The following NUDT3 variants were observed in gnomAD, a reference collection of about 807,000 sequenced individuals.
The protein encoded by NUDT3 is diphosphoinositol polyphosphate phosphohydrolase 1.
A neutral mutation model predicts 23.6 loss-of-function variants in NUDT3; 9 were observed. That is an observed-to-expected ratio of 0.38 (90% CI 0.23 to 0.66). The LOEUF (loss-of-function observed/expected upper bound fraction) is 0.66, where lower values mean the gene tolerates loss of function less well. Among genes scored for constraint, NUDT3 ranks in the 30% least tolerant of loss-of-function variants. The probability of loss-of-function intolerance (pLI) is 0.52; values close to 1 mark genes in which losing one functional copy is unlikely to be tolerated. For missense variants in NUDT3, 172 were observed against 218.5 expected, an observed-to-expected ratio of 0.79 and a Z score of 1.34; for synonymous variants, 86 against 82.6, an observed-to-expected ratio of 1.04 and a Z score of -0.22.
chr6:34,382,972 C>T (rs570676211), intron 1 of NUDT3, among the ~76,000 whole-genome samples: 1 of 151,538 alleles, frequency 6.6e-6, no homozygotes, highest in East Asian at 2.0e-4. Flanking sequence ...ACTAAAACTG[C>T]AAAAATTAGC....
intron 4 of NUDT3, among the ~76,000 whole-genome samples, chr6:34,289,353 G>A (rs1285605727): frequency 6.6e-6 from 1 of 152,206 alleles, no homozygotes; most frequent in Non-Finnish European, 1.5e-5. Context: ...GATCGCTTGA[G>A]CCCAGGAGTT....
intron 1 of NUDT3, among the ~76,000 whole-genome samples, chr6:34,365,421 C>G (rs1055915056): frequency 6.6e-6 from 1 of 152,058 alleles, no homozygotes; most frequent in Non-Finnish European, 1.5e-5. Flanking sequence ...GAGCAAGACT[C>G]TGTCTCAAAA....
chr6:34,332,255 T>C (rs1006886143), intron 2 of NUDT3, among the ~76,000 whole-genome samples: 4 of 152,170 alleles, frequency 2.6e-5, no homozygotes, highest in African/African-American at 9.7e-5. Flanking sequence ...TTATTTACTA[T>C]ACTCTTATAT....
chr6:34,302,946 A>G (rs1200985797), intron 2 of NUDT3, among the ~76,000 whole-genome samples: 1 of 152,216 alleles, frequency 6.6e-6, no homozygotes, highest in Non-Finnish European at 1.5e-5. Context: ...TAGCATATGC[A>G]TATGATTTTA....
intron 2 of NUDT3, among the ~76,000 whole-genome samples, chr6:34,330,904 G>T (rs990642335): frequency 7.9e-5 from 12 of 152,170 alleles, no homozygotes; most frequent in Admixed American, 7.9e-4. Context: ...GCCCAGGCTG[G>T]AGTGCAATGG....
In NUDT3 at chr6:34,380,959, G is replaced by C. The variant is rs188726054; in HGVS notation, c.99+11305C>G. On this transcript the variant is annotated intron_variant, in intron 1 of 4. Coordinates refer to ENST00000607016, the MANE Select transcript of NUDT3 (RefSeq NM_006703.4). ...CACTCTAGCTCATCTTTCTTCAAAG[G>C]CTTCTCCAATTCCTATAAACACCTC... Among the ~76,000 whole-genome samples the C allele has an allele frequency of 2.0e-5, 3 of 152,104 alleles. No individual in the cohort carries two copies. The East Asian group carries it at 5.8e-4, about 29-fold the overall frequency.
chr6:34,326,059 A>G (rs1419484758), intron 2 of NUDT3, among the ~76,000 whole-genome samples: 2 of 151,064 alleles, frequency 1.3e-5, no homozygotes, highest in African/African-American at 5.0e-5. Flanking sequence ...GCCATAGGCC[A>G]TACATGTACA....
At position 34,282,858 on chromosome 6, in the gene NUDT3, C is replaced by A. The variant is rs1763293484; in HGVS notation, c.*5895G>T. On this transcript the variant is annotated 3_prime_UTR_variant, in exon 5 of 5. Transcript: ENST00000607016. ...TAGTATTAAGAACTGGGGATATAAA[C>A]CAAAGGAAACCTAGAGTCAACTGAC... The A allele has an allele frequency of 6.6e-6, 1 of 152,084 alleles. No homozygotes were observed. The highest frequency in any genetic ancestry group is 1.5e-5 in the Non-Finnish European group (1 of 68,004). The allele number at this position is 152,084 out of a possible 1,614,324, so 9.4% of individuals were successfully genotyped here.
chr6:34,377,154 T>A (rs559521125), intron 1 of NUDT3, among the ~76,000 whole-genome samples: 1 of 152,228 alleles, frequency 6.6e-6, no homozygotes, highest in African/African-American at 2.4e-5. Flanking sequence ...TCCCACTTTT[T>A]AAATTTTTGT....
chr6:34,318,426 T>C (rs1763892642), intron 2 of NUDT3, among the ~76,000 whole-genome samples: 1 of 152,222 alleles, frequency 6.6e-6, no homozygotes, highest in Non-Finnish European at 1.5e-5. Context: ...CCACTCTATA[T>C]ATTTACATAT....
At chr6:34,310,044 G>C (rs1763747433) in intron 2 of NUDT3, among the ~76,000 whole-genome samples, 1 of 151,836 alleles carries the variant, frequency 6.6e-6, no homozygotes, top group East Asian at 1.9e-4. Context: ...ACAAGGAGGA[G>C]CAAAACCAGT....
intron 2 of NUDT3, among the ~76,000 whole-genome samples, chr6:34,318,272 C>T (rs1763890717): frequency 1.3e-5 from 2 of 152,122 alleles, no homozygotes; most frequent in Admixed American, 1.3e-4. Flanking sequence ...CACATTTCTG[C>T]CCAGACTCTG....
chr6:34,293,282 A>G (rs1763450589), intron 4 of NUDT3, among the ~76,000 whole-genome samples, 169 bp downstream of exon 4: 1 of 152,228 alleles, frequency 6.6e-6, no homozygotes, highest in Non-Finnish European at 1.5e-5. Context: ...AGACTGGTCT[A>G]GAACTCTGGG....
At position 34,284,683 on chromosome 6, in the gene NUDT3, T is replaced by G. The variant is rs1180556336; in HGVS notation, c.*4070A>C. On this transcript the variant is annotated 3_prime_UTR_variant, in exon 5 of 5. Coordinates refer to ENST00000607016, the MANE Select transcript of NUDT3 (RefSeq NM_006703.4). ...CCTATTATTTCTCTGGTTAAGAAGG[T>G]TTAGCAGGAGCCTCCAATGAGCACT... 2.6e-5 allele frequency: 4 copies of G among 152,074 alleles called. No homozygotes were observed. Among genetic ancestry groups the G allele is most frequent in the African/African-American group, 9.7e-5 (4 of 41,404 alleles). The allele number at this position is 152,074 out of a possible 1,614,324, so 9.4% of individuals were successfully genotyped here.
chr6:34,280,501 CCT>C lies in NUDT3; in HGVS notation c.*8250_*8251del, dbSNP rs1401088109. ...CAAGAGGTTTAAGGACCACAACTGA[CCT>C]CTCTTTCCCTACAAGCACCATTCCT... On this transcript the variant is annotated 3_prime_UTR_variant, in exon 5 of 5. Coordinates refer to ENST00000607016, the MANE Select transcript of NUDT3 (RefSeq NM_006703.4). 1.3e-5 allele frequency: 2 copies of C among 151,454 alleles called. No individual in the cohort carries two copies. The highest frequency in any genetic ancestry group is 2.9e-5 in the Non-Finnish European group (2 of 67,828). The allele number at this position is 151,454 out of a possible 1,614,324, so 9.4% of individuals were successfully genotyped here.
intron 1 of NUDT3, among the ~76,000 whole-genome samples, chr6:34,357,154 G>GT (rs1764574546): frequency 6.6e-6 from 1 of 152,118 alleles, no homozygotes; most frequent in Admixed American, 6.6e-5. Flanking sequence ...ATCATACAGT[G>GT]TTTGAGATTT....
At chr6:34,358,443 G>C (rs1764597710) in intron 1 of NUDT3, among the ~76,000 whole-genome samples, 1 of 151,974 alleles carries the variant, frequency 6.6e-6, no homozygotes, top group Non-Finnish European at 1.5e-5. Context: ...CCTTATCTAT[G>C]TCTTAAGTTT....
chr6:34,354,435 A>T (rs1338776341), intron 1 of NUDT3, among the ~76,000 whole-genome samples: 29 of 146,862 alleles, frequency 2.0e-4, no homozygotes, highest in African/African-American at 6.9e-4. Context: ...ACACATACAC[A>T]CTCTTGGCCG....
Position 34,322,440 on chromosome 6 carries a change from A to G in NUDT3, c.210+19422T>C, listed in dbSNP as rs181484051. On this transcript the variant is annotated intron_variant, in intron 2 of 4. Coordinates refer to ENST00000607016, the MANE Select transcript of NUDT3 (RefSeq NM_006703.4). ...GAGACGGGGTTTCACTGTGTTAGCC[A>G]GGATGGTCTTGATCTCCTGACCTTG... Among the ~76,000 whole-genome samples the G allele has an allele frequency of 2.2e-4, 34 of 151,428 alleles. 1 individual carries two copies. The highest frequency in any genetic ancestry group is 7.7e-4 in the East Asian group (4 of 5,182).
Sources: allele counts gnomAD v4.1 joint callset (sites outside exome capture counted in the v4.1 genomes callset), GRCh38; gene constraint gnomAD v4.1.1; transcripts MANE v1.5; gene names NCBI Gene and HGNC (gene_info 2026-07-23, HGNC 2026-07-21).